Variants in MDGA2 observed in about 807,000 individuals in gnomAD.
The protein encoded by MDGA2 is MAM domain containing glycosylphosphatidylinositol anchor 2, also known as MAM domain-containing glycosylphosphatidylinositol anchor protein 2.
A neutral mutation model predicts 117.8 loss-of-function variants in MDGA2; 40 were observed. That is an observed-to-expected ratio of 0.34 (90% CI 0.26 to 0.44). The LOEUF (loss-of-function observed/expected upper bound fraction) is 0.44, where lower values mean the gene tolerates loss of function less well. Among genes scored for constraint, MDGA2 ranks in the 20% least tolerant of loss-of-function variants. The pLI, the probability that MDGA2 is intolerant of heterozygous loss-of-function variation, is 1.00. For synonymous variants in MDGA2, 452 were observed against 439.0 expected (o/e 1.03, Z -0.37); for missense variants, 1,123 against 1,250.6 (o/e 0.90, Z 1.54).
chr14:47,166,947 A>G (rs1481344985), intron 3 of MDGA2, among the ~76,000 whole-genome samples: 1 of 152,176 alleles, frequency 6.6e-6, no homozygotes, highest in Non-Finnish European at 1.5e-5. Flanking sequence ...GAATAATCAG[A>G]CAATACAGCC....
At chr14:47,249,483 A>C (rs1192935209) in intron 2 of MDGA2, among the ~76,000 whole-genome samples, 1 of 152,076 alleles carries the variant, frequency 6.6e-6, no homozygotes, top group Non-Finnish European at 1.5e-5. Flanking sequence ...CACCACACCC[A>C]GCTAAATTAT....
intron 1 of MDGA2, among the ~76,000 whole-genome samples, chr14:47,508,313 T>C (rs1213748283): frequency 6.6e-6 from 1 of 151,126 alleles, no homozygotes; most frequent in Non-Finnish European, 1.5e-5. Flanking sequence ...AATGTAGAGT[T>C]AATTAGTGGC....
chr14:46,920,581 T>A (rs1232349286), intron 9 of MDGA2, among the ~76,000 whole-genome samples: 3 of 152,110 alleles, frequency 2.0e-5, no homozygotes, highest in Non-Finnish European at 4.4e-5. Context: ...GGCATGCAGA[T>A]AGAATTTAAA....
chr14:47,175,524 T>C lies in MDGA2; in HGVS notation c.596-31250A>G, dbSNP rs1884400587. ...GCAAATCAATAAATGTAATCCAGCA[T>C]ATAAACAGAACCAAAGACAAAAACC... is the stretch of plus-strand genomic sequence containing the variant. On this transcript the variant is annotated intron_variant, in intron 3 of 16. Transcript: ENST00000399232. Among the ~76,000 whole-genome samples, 6 of 151,298 alleles carry C rather than the reference T, an allele frequency of 4.0e-5. No homozygotes were observed. The South Asian group carries it at 1.3e-3, about 32-fold the overall frequency.
intron 1 of MDGA2, among the ~76,000 whole-genome samples, chr14:47,648,228 G>C (rs1897573122): frequency 6.6e-6 from 1 of 152,076 alleles, no homozygotes; most frequent in Non-Finnish European, 1.5e-5. Flanking sequence ...ACATTTATTA[G>C]TTACATAACC....
chr14:47,042,055 T>C (rs570191119), intron 7 of MDGA2, among the ~76,000 whole-genome samples: 11 of 152,198 alleles, frequency 7.2e-5, no homozygotes, highest in African/African-American at 2.6e-4. Flanking sequence ...AAAATAAGCA[T>C]GGCACTAATT....
intron 8 of MDGA2, among the ~76,000 whole-genome samples, chr14:46,983,844 AACC>A (rs1886770786): frequency 6.6e-6 from 1 of 152,056 alleles, no homozygotes; most frequent in South Asian, 2.1e-4. Context: ...ACAAACTGCT[AACC>A]TCCTAATACT....
intron 8 of MDGA2, among the ~76,000 whole-genome samples, chr14:46,978,503 C>T (rs191196759): frequency 6.6e-6 from 1 of 151,990 alleles, no homozygotes; most frequent in Non-Finnish European, 1.5e-5. Flanking sequence ...TGATATACTT[C>T]AAAATAGTCA....
chr14:46,946,165 A>G (rs768511525), intron 9 of MDGA2, among the ~76,000 whole-genome samples: 114 of 152,058 alleles, frequency 7.5e-4, no homozygotes, highest in Non-Finnish European at 8.8e-4. Flanking sequence ...AAACTTCTAA[A>G]TTTCCTTTCT....
intron 5 of MDGA2, among the ~76,000 whole-genome samples, chr14:47,111,566 G>A (rs902657014): frequency 1.3e-5 from 2 of 152,164 alleles, no homozygotes; most frequent in African/African-American, 4.8e-5. Context: ...CCTAAATCCT[G>A]AAGTGTCCGT....
intron 1 of MDGA2, among the ~76,000 whole-genome samples, chr14:47,443,330 C>T (rs767554130): frequency 6.6e-6 from 1 of 151,934 alleles, no homozygotes. Context: ...ACATGTGTTC[C>T]AATTGGTGGC....
At chr14:47,047,680 C>A (rs145992318) in intron 7 of MDGA2, among the ~76,000 whole-genome samples, 11 of 151,938 alleles carry the variant, frequency 7.2e-5, no homozygotes, top group Non-Finnish European at 4.4e-5. Flanking sequence ...TATCACTGTA[C>A]GTTGTGTATC....
At chr14:47,622,675 G>A (rs1897071345) in intron 1 of MDGA2, among the ~76,000 whole-genome samples, 1 of 152,206 alleles carries the variant, frequency 6.6e-6, no homozygotes, top group African/African-American at 2.4e-5. Flanking sequence ...CAGAAAATAA[G>A]TAGGGAAACT....
At chr14:47,126,115 A>C (rs540857434) in intron 5 of MDGA2, among the ~76,000 whole-genome samples, 136 of 152,180 alleles carry the variant, frequency 8.9e-4, no homozygotes, top group African/African-American at 3.2e-3. Flanking sequence ...ATTTTAATAA[A>C]CTATGAGAAA....
At chr14:46,918,927 A>G (rs1337408547) in intron 10 of MDGA2, among the ~76,000 whole-genome samples, 1 of 151,794 alleles carries the variant, frequency 6.6e-6, no homozygotes, top group East Asian at 1.9e-4. Flanking sequence ...ATGCCCGGCT[A>G]ATTTTTTTGT....
In MDGA2 at chr14:46,977,790, C is replaced by A. The variant is rs181394459; in HGVS notation, c.1820-20147G>T. 1.0e-3 allele frequency among the ~76,000 whole-genome samples: 151 copies of A among 151,664 alleles called. 1 individual carries two copies. The highest frequency in any genetic ancestry group is 3.4e-3 in the Middle Eastern group (1 of 294). Reference sequence around the variant, plus strand: ...TTTTCAGAAATAAAGAATTTTTTCACAACAGCAGAAATTGGGGAGATAATG... The same window carrying A: ...TTTTCAGAAATAAAGAATTTTTTCAAAACAGCAGAAATTGGGGAGATAATG... On this transcript the variant is annotated intron_variant, in intron 8 of 16. Transcript: ENST00000399232.
chr14:46,873,121 C>T (rs1160676646), intron 14 of MDGA2, among the ~76,000 whole-genome samples: 1 of 151,904 alleles, frequency 6.6e-6, no homozygotes. Context: ...CATGTTTCTT[C>T]GGAAAGAAGC....
At chr14:47,182,434 T>A (rs1160826322) in intron 3 of MDGA2, among the ~76,000 whole-genome samples, 1 of 151,996 alleles carries the variant, frequency 6.6e-6, no homozygotes, top group Non-Finnish European at 1.5e-5. Context: ...AGGACTGGGA[T>A]CCTCATAAGA....
At chr14:47,661,494 G>A (rs931310720) in intron 1 of MDGA2, among the ~76,000 whole-genome samples, 1 of 152,154 alleles carries the variant, frequency 6.6e-6, no homozygotes, top group East Asian at 1.9e-4. Context: ...GTTTGTGCAT[G>A]TATTTTAGAA....
Sources: allele counts gnomAD v4.1 joint callset (sites outside exome capture counted in the v4.1 genomes callset), GRCh38; gene constraint gnomAD v4.1.1; transcripts MANE v1.5; gene names NCBI Gene and HGNC (gene_info 2026-07-23, HGNC 2026-07-21).